The following FREM1 variants were observed in gnomAD, a reference collection of about 807,000 sequenced individuals.
FREM1 encodes FRAS1 related extracellular matrix 1.
A neutral mutation model predicts 210.1 loss-of-function variants in FREM1; 220 were observed. The observed-to-expected ratio is 1.05, with a 90% CI of 0.94 to 1.17. The LOEUF (loss-of-function observed/expected upper bound fraction) is 1.17, where lower values mean the gene tolerates loss of function less well. FREM1 is among the 50% of genes most tolerant of loss of function. The probability of loss-of-function intolerance (pLI) is 0.00; values close to 1 mark genes in which losing one functional copy is unlikely to be tolerated. For synonymous variants in FREM1, 1,189 were observed against 980.2 expected (o/e 1.21, Z -3.98); for missense variants, 3,454 against 2,675.5 (o/e 1.29, Z -6.42).
At chr9:14,776,237 G>C in intron 24 of FREM1, 34 bp from the exon 25 acceptor site, 1 of 1,504,542 alleles carries the variant, frequency 6.6e-7, no homozygotes, top group Non-Finnish European at 8.9e-7. Context: ...CTTCAGCATG[G>C]ATTCTTGTGT....
At chr9:14,842,108 C>G (rs1825795557) in intron 9 of FREM1, among the ~76,000 whole-genome samples, 1 of 152,136 alleles carries the variant, frequency 6.6e-6, no homozygotes, top group Non-Finnish European at 1.5e-5. Context: ...TCTGTAGATG[C>G]ACAACCTTGG....
chr9:14,875,468 G>A (rs1011635083), intron 1 of FREM1, among the ~76,000 whole-genome samples: 42 of 152,036 alleles, frequency 2.8e-4, no homozygotes, highest in Admixed American at 2.1e-3. Context: ...TGATCGCATC[G>A]GCTCCTGAGG....
At chr9:14,896,561 A>T (rs1837771176) in intron 1 of FREM1, among the ~76,000 whole-genome samples, 1 of 151,756 alleles carries the variant, frequency 6.6e-6, no homozygotes, top group Non-Finnish European at 1.5e-5. Context: ...AAAAAAAAAA[A>T]AAAAGAAGCA....
intron 25 of FREM1, among the ~76,000 whole-genome samples, chr9:14,775,159 A>C (rs1848330759): frequency 6.6e-6 from 1 of 152,322 alleles, no homozygotes; most frequent in South Asian, 2.1e-4. Context: ...TTTTTCAAAG[A>C]AGGAAAAGTA....
intron 10 of FREM1, among the ~76,000 whole-genome samples, chr9:14,829,508 G>A (rs747022026): frequency 8.5e-5 from 13 of 152,074 alleles, no homozygotes; most frequent in East Asian, 1.9e-4. Context: ...TGGTGTTTAG[G>A]TCATGAGGGC....
At chr9:14,834,245 A>C (rs1824120887) in intron 10 of FREM1, among the ~76,000 whole-genome samples, 4 of 152,210 alleles carry the variant, frequency 2.6e-5, no homozygotes, top group Admixed American at 6.5e-5. Flanking sequence ...GGATGGGCTG[A>C]TTACAAAATA....
intron 1 of FREM1, among the ~76,000 whole-genome samples, chr9:14,904,586 G>C (rs1817362349): frequency 8.5e-5 from 13 of 152,102 alleles, no homozygotes; most frequent in Admixed American, 8.5e-4. Flanking sequence ...GGAGTGACTT[G>C]ATGGTTCCAG....
At chr9:14,892,311 T>C (rs955499581) in intron 1 of FREM1, among the ~76,000 whole-genome samples, 4 of 152,108 alleles carry the variant, frequency 2.6e-5, no homozygotes, top group African/African-American at 4.8e-5. Flanking sequence ...ACACACAAAT[T>C]GGCTGACTTT....
chr9:14,888,756 C>T (rs927385883), intron 1 of FREM1, among the ~76,000 whole-genome samples: 1 of 152,230 alleles, frequency 6.6e-6, no homozygotes, highest in African/African-American at 2.4e-5. Context: ...CCATAACCTA[C>T]ATCACACAAT....
chr9:14,848,006 C>T (rs1564067834), intron 7 of FREM1, among the ~76,000 whole-genome samples: 1 of 152,208 alleles, frequency 6.6e-6, no homozygotes, highest in Non-Finnish European at 1.5e-5. Flanking sequence ...ACACACGAGG[C>T]AGCTCGTTTA....
intron 29 of FREM1, 142 bp from the exon 30 acceptor site, chr9:14,750,418 C>T (rs1843144205): frequency 1.8e-5 from 11 of 594,788 alleles, no homozygotes; most frequent in Admixed American, 3.6e-5. Context: ...TCACTGAAGT[C>T]CTGCTGTTCT....
At chr9:14,757,328 G>A (rs7036406) in intron 28 of FREM1, among the ~76,000 whole-genome samples, 2 of 152,086 alleles carry the variant, frequency 1.3e-5, no homozygotes, top group Admixed American at 6.5e-5. Flanking sequence ...GCAGAGGTGG[G>A]TGGATCACTT....
chr9:14,791,920 C>G (rs111974505), intron 22 of FREM1, among the ~76,000 whole-genome samples: 10,527 of 152,108 alleles, frequency 0.069, 494 homozygotes, highest in African/African-American at 0.12. Flanking sequence ...GCAACCTCTC[C>G]CCCCTCTCCC....
At position 14,819,214 on chromosome 9, in the gene FREM1, A is replaced by G. The variant is rs762454837; in HGVS notation, c.2546+20T>C. ...AAGAAACTAAAGCATGTAAATAAAA[A>G]AACCATGAAATGTTCTAACCTAACT... is the stretch of plus-strand genomic sequence containing the variant. On this transcript the variant is annotated intron_variant, in intron 14 of 36. Coordinates refer to ENST00000380880, the MANE Select transcript of FREM1 (RefSeq NM_001379081.2). The G allele has an allele frequency of 3.9e-6, 6 of 1,547,602 alleles. No homozygotes were observed. The highest frequency in any genetic ancestry group is 1.4e-5 in the African/African-American group (1 of 72,686).
At position 14,770,674 on chromosome 9, in the gene FREM1, C is replaced by T. The variant is rs1163922159; in HGVS notation, c.4990G>A (p.Glu1664Lys). The T allele has an allele frequency of 1.6e-5, 26 of 1,613,474 alleles. No homozygotes were observed. The highest frequency in any genetic ancestry group is 1.7e-4 in the Middle Eastern group (1 of 6,036). ...ATTTTAAAGATGATCTGATCGTCCT[C>T]AGTGTCAGGGTCTGATGCCTTCAAC... ...RVLKASDPDTEDDQIIFKILQ... is the reference protein window; with the variant it reads ...RVLKASDPDTKDDQIIFKILQ... Residue 1664 changes from glutamate (E) to lysine (K), a missense_variant, in exon 26 of 37, where the codon GAG (glutamate) becomes AAG (lysine). Physicochemically the swap from Glu to Lys is moderately conservative, Grantham distance 56. Coordinates refer to ENST00000380880, the MANE Select transcript of FREM1 (RefSeq NM_001379081.2).
chr9:14,863,804 C>A lies in FREM1; in HGVS notation c.329+5G>T. Reference sequence around the variant, plus strand: ...GCAAATGAGCGATGTTCCCGTGCCGCTTACCTGTAAAGTCTGAGCTTCACT... The same window carrying A: ...GCAAATGAGCGATGTTCCCGTGCCGATTACCTGTAAAGTCTGAGCTTCACT... On this transcript the variant is annotated splice_donor_5th_base_variant and intron_variant, in intron 3 of 36. Transcript: ENST00000380880. 6.3e-7 allele frequency: 1 copy of A among 1,589,804 alleles called. No individual in the cohort carries two copies. The highest frequency in any genetic ancestry group is 8.6e-7 in the Non-Finnish European group (1 of 1,158,156).
At position 14,762,502 on chromosome 9, in the gene FREM1, T is replaced by A. The variant is rs753987063; in HGVS notation, c.5205-2601A>T. 3.9e-5 allele frequency among the ~76,000 whole-genome samples: 6 copies of A among 152,194 alleles called. 1 individual carries two copies. The highest frequency in any genetic ancestry group is 3.2e-3 in the Middle Eastern group (1 of 316). On this transcript the variant is annotated intron_variant, in intron 27 of 36. Transcript: ENST00000380880. ...CAGAGGGCTGTTCAGCTTCAAGGTA[T>A]AAAGGGTCTTACTGTTTGGGAATGT...
At chr9:14,768,807 A>G (rs1458393749) in intron 27 of FREM1, among the ~76,000 whole-genome samples, 1 of 152,174 alleles carries the variant, frequency 6.6e-6, no homozygotes, top group African/African-American at 2.4e-5. Context: ...TTCTTAATCT[A>G]TACTCCATCA....
chr9:14,835,143 C>G (rs1855138), intron 10 of FREM1, among the ~76,000 whole-genome samples: 131,895 of 152,214 alleles, frequency 0.87, 57,443 homozygotes, highest in East Asian at 0.96. Flanking sequence ...ACTGCACTCA[C>G]AAAGTTAAAG....
Sources: allele counts gnomAD v4.1 joint callset (sites outside exome capture counted in the v4.1 genomes callset), GRCh38; gene constraint gnomAD v4.1.1; transcripts MANE v1.5; gene names NCBI Gene and HGNC (gene_info 2026-07-23, HGNC 2026-07-21).